The following APOH variants were observed in gnomAD, a reference collection of about 807,000 sequenced individuals.
APOH encodes the protein apolipoprotein H.
A neutral mutation model predicts 39.8 loss-of-function variants in APOH; 48 were observed. The ratio of observed to expected loss-of-function variants is 1.21; its 90% CI spans 0.96 to 1.54. The LOEUF is 1.54. Among genes scored for constraint, APOH ranks in the 40% most tolerant of loss-of-function variants. APOH has a pLI of 0.00. For missense variants in APOH, 415 were observed against 421.2 expected (o/e 0.99, Z 0.13); for synonymous variants, 153 against 151.1 (o/e 1.01, Z -0.09).
In APOH at chr17:66,228,054, T is replaced by C. The variant is rs1411478005; in HGVS notation, c.207A>G (p.Thr69=). The C allele has an allele frequency of 1.2e-6, 2 of 1,614,072 alleles. No homozygotes were observed. Among genetic ancestry groups the C allele is most frequent in the Admixed American group, 3.3e-5 (2 of 60,010 alleles). ...GGMRKFICPL[T]GLWPINTLKC... is the part of the protein sequence containing the mutation. ...TCAGAGTGTTGATGGGCCACAGTCCTGTGAGAGGGCAGATAAACTTTCTCA... is the reference window on the plus strand; with the variant it reads ...TCAGAGTGTTGATGGGCCACAGTCCCGTGAGAGGGCAGATAAACTTTCTCA... Residue 69 remains threonine (T), a synonymous_variant, in exon 2 of 8, where the codon ACA becomes ACG. Transcript: ENST00000205948.
intron 3 of APOH, among the ~76,000 whole-genome samples, chr17:66,224,465 T>G (rs1335509011): frequency 6.0e-5 from 3 of 49,672 alleles, no homozygotes; most frequent in African/African-American, 2.4e-4. Flanking sequence ...CAGAGGAAGA[T>G]CCTGTAAAAA....
chr17:66,228,896 G>A lies in APOH; in HGVS notation c.64+420C>T, dbSNP rs2147000834. ...TGCCCAGACTGGAGTGCAATGGGGG[G>A]ACCTCGGCTCACTGCAACCTCTGCC... On this transcript the variant is annotated intron_variant, in intron 1 of 7. Transcript: ENST00000205948. 2.0e-5 allele frequency among the ~76,000 whole-genome samples: 3 copies of A among 151,916 alleles called. No homozygotes were observed. In the East Asian group the frequency reaches 5.8e-4, roughly 29 times the overall value.
Position 66,223,785 on chromosome 17 carries a change from A to G in APOH, c.339-11T>C. On this transcript the variant is annotated splice_polypyrimidine_tract_variant and intron_variant, in intron 3 of 7. Coordinates refer to ENST00000205948, the MANE Select transcript of APOH (RefSeq NM_000042.3). ...CCATTCAGATAAAACCTGCAAAAGG[A>G]AAATTCATTCTATCAAGGAGTAAAA... 6.2e-7 allele frequency: 1 copy of G among 1,613,106 alleles called. No homozygotes were observed.
chr17:66,218,680 C>CA (rs1274593660), intron 5 of APOH, among the ~76,000 whole-genome samples: 3 of 152,094 alleles, frequency 2.0e-5, no homozygotes, highest in Non-Finnish European at 2.9e-5. Context: ...CTGTACTCTT[C>CA]AAAAATGTCA....
At chr17:66,223,400 A>T (rs978123789) in intron 4 of APOH, among the ~76,000 whole-genome samples, 9 of 152,234 alleles carry the variant, frequency 5.9e-5, no homozygotes, top group African/African-American at 2.2e-4. Flanking sequence ...TATCCAAGCC[A>T]CTTCCAAAGC....
chr17:66,214,633 CA>C lies in APOH; in HGVS notation c.801del (p.Val268Ter). On this transcript the variant is annotated frameshift_variant, in exon 7 of 8. Coordinates refer to ENST00000205948, the MANE Select transcript of APOH (RefSeq NM_000042.3). LOFTEE classifies it high-confidence loss of function. ...TGGTACACCACAGTGGCTTTTTTCA[CA>C]GGTACTTTACAAGATGCTGAAAGAG... ...MPSCKASCKV[P>X]VKKATVVYQG... 1 of 1,612,706 alleles carries C rather than the reference CA, an allele frequency of 6.2e-7. No individual in the cohort carries two copies. Among genetic ancestry groups the C allele is most frequent in the Middle Eastern group, 1.7e-4 (1 of 6,058 alleles).
chr17:66,226,901 T>TATTTA (rs57294719), intron 2 of APOH, among the ~76,000 whole-genome samples: 32 of 151,572 alleles, frequency 2.1e-4, no homozygotes, highest in East Asian at 5.8e-4. Context: ...ATTTATTTTT[T>TATTTA]TTTTTGAGAC....
rs8178832 is a variant in APOH, at chr17:66,226,164, T to TA, written c.242-41dup. The stretch of plus-strand genomic sequence containing the variant: ...TAAAAAATGTTACTTTTCTTTGGGC[T>TA]AAAAAAAAACATAAACAGGTAAATT... On this transcript the variant is annotated intron_variant, in intron 2 of 7. Transcript: ENST00000205948. The TA allele has an allele frequency of 3.2e-3, 4,500 of 1,394,882 alleles. 4 individuals are homozygous for TA. Among genetic ancestry groups the TA allele is most frequent in the Non-Finnish European group, 3.7e-3 (3,785 of 1,014,920 alleles). The allele number at this position is 1,394,882 out of a possible 1,614,324, so 86.4% of individuals were successfully genotyped here.
At chr17:66,221,966 G>A (rs951867315) in intron 4 of APOH, among the ~76,000 whole-genome samples, 1 of 152,176 alleles carries the variant, frequency 6.6e-6, no homozygotes, top group African/African-American at 2.4e-5. Flanking sequence ...CCCACTGCAG[G>A]TGCCTGAATC....
chr17:66,225,916 G>T, intron 3 of APOH, 112 bp downstream of exon 3: 19 of 616,014 alleles, frequency 3.1e-5, no homozygotes, highest in Non-Finnish European at 4.8e-5. Flanking sequence ...ATTTGCATTT[G>T]AAAGTCCAAC....
chr17:66,214,526 C>T lies in APOH; in HGVS notation c.909G>A (p.Lys303=). Residue 303 remains lysine (K), a synonymous_variant, in exon 7 of 8, where the codon AAG becomes AAA. Transcript: ENST00000205948. ...CCTCTGTATAGCTACACTTCTTTTC[C>T]TTATTTTTGCAGAAGAAAGAAACTT... ...GDKVSFFCKN[K]EKKCSYTEDA... 2 of 1,614,110 alleles carry T rather than the reference C, an allele frequency of 1.2e-6. No homozygotes were observed. Among genetic ancestry groups the T allele is most frequent in the Non-Finnish European group, 8.5e-7 (1 of 1,180,004 alleles).
intron 5 of APOH, among the ~76,000 whole-genome samples, chr17:66,218,821 C>G (rs928136670): frequency 3.5e-4 from 53 of 151,786 alleles, no homozygotes; most frequent in Non-Finnish European, 6.8e-4. Flanking sequence ...ACCAGCCTGG[C>G]CAACACAGTG....
In APOH at chr17:66,228,127, TCTC is replaced by T. The variant is rs772209887; in HGVS notation, c.131_133del (p.Gly44del). Reference sequence around the variant, plus strand: ...CGGCTTGCAGGAATACGTAATCTCTTCTCCTGGCTCATAGAATGTTTTTAACGG... The same window carrying T: ...CGGCTTGCAGGAATACGTAATCTCTTCTGGCTCATAGAATGTTTTTAACGG... On this transcript the variant is annotated inframe_deletion, in exon 2 of 8. Transcript: ENST00000205948. The T allele has an allele frequency of 6.2e-6, 10 of 1,613,964 alleles. No individual in the cohort carries two copies. Among genetic ancestry groups the T allele is most frequent in the African/African-American group, 1.3e-5 (1 of 74,884 alleles).
At chr17:66,216,063 G>A (rs2073363104) in intron 6 of APOH, among the ~76,000 whole-genome samples, 1 of 151,814 alleles carries the variant, frequency 6.6e-6, no homozygotes, top group Non-Finnish European at 1.5e-5. Context: ...GGGTGGGCAT[G>A]GTGGCTCACA....
chr17:66,216,735 G>A (rs2073367865), intron 6 of APOH, 53 bp downstream of exon 6: 1 of 1,471,356 alleles, frequency 6.8e-7, no homozygotes, highest in Non-Finnish European at 9.1e-7. Flanking sequence ...AAGTAAAGGT[G>A]ATCCACTGTA....
intron 3 of APOH, among the ~76,000 whole-genome samples, chr17:66,224,717 G>A (rs1388759238): frequency 2.5e-5 from 3 of 118,454 alleles, no homozygotes; most frequent in East Asian, 2.5e-4. Context: ...GGAAAGGAAA[G>A]GAAAGGAAAG....
intron 5 of APOH, among the ~76,000 whole-genome samples, chr17:66,218,950 C>CA (rs1461526125): frequency 6.6e-6 from 1 of 152,020 alleles, no homozygotes; most frequent in African/African-American, 2.4e-5. Flanking sequence ...GTAGATGTTG[C>CA]AGTGAGCCAA....
chr17:66,222,827 T>C (rs2073410813), intron 4 of APOH, among the ~76,000 whole-genome samples: 1 of 152,138 alleles, frequency 6.6e-6, no homozygotes, highest in Non-Finnish European at 1.5e-5. Flanking sequence ...CTCCTCGGAC[T>C]CCCAAAGTGC....
At chr17:66,220,999 C>A (rs575147193) in intron 4 of APOH, among the ~76,000 whole-genome samples, 1 of 151,910 alleles carries the variant, frequency 6.6e-6, no homozygotes, top group Non-Finnish European at 1.5e-5. Context: ...TTCAGACCAG[C>A]CTGGTCAACA....
Sources: allele counts gnomAD v4.1 joint callset (sites outside exome capture counted in the v4.1 genomes callset), GRCh38; gene constraint gnomAD v4.1.1; transcripts MANE v1.5; gene names NCBI Gene and HGNC (gene_info 2026-07-23, HGNC 2026-07-21).